The following ARK2N variants were observed in gnomAD, a reference collection of about 807,000 sequenced individuals.
ARK2N encodes the protein arkadia (RNF111) N-terminal like PKA signaling regulator 2N.
chr18:46,234,206 TTTC>T, the ARK2N span, among the ~76,000 whole-genome samples: 1 of 152,230 alleles, frequency 6.6e-6, no homozygotes, highest in African/African-American at 2.4e-5. Flanking sequence ...ATTTTTTCTC[TTTC>T]TTTTTTGAGA....
At chr18:46,251,163 G>A in the ARK2N span, among the ~76,000 whole-genome samples, 3 of 152,208 alleles carry the variant, frequency 2.0e-5, no homozygotes, top group East Asian at 3.8e-4. Flanking sequence ...ATATGGAAAA[G>A]TTGAAGGCTA....
At chr18:46,194,860 G>A in the ARK2N span, among the ~76,000 whole-genome samples, 3 of 146,428 alleles carry the variant, frequency 2.0e-5, no homozygotes, top group Non-Finnish European at 4.5e-5. Flanking sequence ...CTGGAGTACA[G>A]TGGTGTGATC....
the ARK2N span, among the ~76,000 whole-genome samples, chr18:46,251,723 C>T: frequency 6.6e-6 from 1 of 152,098 alleles, no homozygotes; most frequent in African/African-American, 2.4e-5. Context: ...TTCCAAGTTG[C>T]TACATAGCAC....
At chr18:46,195,504 C>G in the ARK2N span, among the ~76,000 whole-genome samples, 1 of 150,436 alleles carries the variant, frequency 6.6e-6, no homozygotes, top group Non-Finnish European at 1.5e-5. Context: ...CTGCCTTGGC[C>G]TCCCAAAGTG....
the ARK2N span, among the ~76,000 whole-genome samples, chr18:46,261,586 A>G: frequency 6.6e-6 from 1 of 152,198 alleles, no homozygotes; most frequent in Non-Finnish European, 1.5e-5. Context: ...AACAGATGTG[A>G]ATTAGACATT....
the ARK2N span, among the ~76,000 whole-genome samples, chr18:46,184,885 A>G: frequency 6.6e-6 from 1 of 152,226 alleles, no homozygotes; most frequent in Non-Finnish European, 1.5e-5. Flanking sequence ...AAAGATACTT[A>G]GTTTCATAGT....
the ARK2N span, among the ~76,000 whole-genome samples, chr18:46,177,720 C>T: frequency 3.3e-5 from 5 of 151,968 alleles, no homozygotes; most frequent in Non-Finnish European, 4.4e-5. Flanking sequence ...AGCCACCGTG[C>T]CCGGCCTTGA....
At chr18:46,230,594 C>T in the ARK2N span, among the ~76,000 whole-genome samples, 42 of 152,100 alleles carry the variant, frequency 2.8e-4, no homozygotes, top group African/African-American at 9.7e-4. Context: ...ATCCCATATC[C>T]GGACTATTGT....
the ARK2N span, among the ~76,000 whole-genome samples, chr18:46,259,148 GA>G: frequency 6.6e-6 from 1 of 151,886 alleles, no homozygotes; most frequent in East Asian, 1.9e-4. Context: ...AACACATACA[GA>G]TAACTAATAA....
At chr18:46,216,458 C>A in the ARK2N span, 1 of 1,614,056 alleles carries the variant, frequency 6.2e-7, no homozygotes, top group Non-Finnish European at 8.5e-7. This position sits in a 1 kb window ranked among gnomAD's most constrained non-coding sequence, Gnocchi z 4.3. Context: ...CGGGAGGCTG[C>A]TGCAAGGAAG....
chr18:46,253,811 A>G, the ARK2N span: 3 of 1,610,686 alleles, frequency 1.9e-6, no homozygotes, highest in East Asian at 4.5e-5. Context: ...GTGGGAGTTC[A>G]GGAACATGCA....
the ARK2N span, among the ~76,000 whole-genome samples, chr18:46,224,216 G>A: frequency 6.6e-6 from 1 of 152,138 alleles, no homozygotes; most frequent in African/African-American, 2.4e-5. Flanking sequence ...CTCTCCAGAG[G>A]GGAAGGATGT....
the ARK2N span, among the ~76,000 whole-genome samples, chr18:46,201,413 G>GT: frequency 6.6e-6 from 1 of 152,034 alleles, no homozygotes; most frequent in Non-Finnish European, 1.5e-5. Flanking sequence ...AAGTAGACTT[G>GT]TTTTTTTGTC....
the ARK2N span, among the ~76,000 whole-genome samples, chr18:46,177,789 G>A: frequency 6.6e-6 from 1 of 152,024 alleles, no homozygotes; most frequent in African/African-American, 2.4e-5. Context: ...TGCATCTTTA[G>A]TCCCTGCTGC....
chr18:46,258,482 A>G, the ARK2N span, among the ~76,000 whole-genome samples: 2 of 152,150 alleles, frequency 1.3e-5, no homozygotes, highest in Non-Finnish European at 2.9e-5. Flanking sequence ...TCCACTGTGC[A>G]GCCTTTCTAT....
chr18:46,263,389 ACTTTTAATCTTAGGAAACTCTGCCTTC>A, the ARK2N span: 1 of 276,490 alleles, frequency 3.6e-6, no homozygotes, highest in Non-Finnish European at 6.8e-6. Flanking sequence ...TTACTTGGTG[ACTTTTAATCTTAGGAAACTCTGCCTTC>A]CTTTTAGAAT....
the ARK2N span, chr18:46,216,536 C>T: frequency 6.2e-7 from 1 of 1,614,126 alleles, no homozygotes; most frequent in Non-Finnish European, 8.5e-7. The surrounding 1 kb of genome is among the most constrained non-coding windows in gnomAD (Gnocchi z 4.3). Context: ...AGCACGAGCT[C>T]ATCAGATGAT....
At chr18:46,237,732 A>AC in the ARK2N span, among the ~76,000 whole-genome samples, 2 of 152,134 alleles carry the variant, frequency 1.3e-5, no homozygotes, top group Admixed American at 1.3e-4. Flanking sequence ...TTTCCTAATG[A>AC]TAGTGTAAAA....
the ARK2N span, among the ~76,000 whole-genome samples, chr18:46,193,347 T>A: frequency 0.017 from 2,639 of 151,528 alleles, 72 homozygotes; most frequent in African/African-American, 0.06. Context: ...TGGAGTGCAA[T>A]GGCATGATCT....
Sources: gnomAD v4.1 joint callset for allele counts (sites outside exome capture counted in the v4.1 genomes callset) on GRCh38, gnomAD v4.1.1 for gene constraint, Gnocchi (gnomAD v3.1) non-coding constraint, MANE v1.5 for transcripts, NCBI Gene and HGNC (gene_info 2026-07-23, HGNC 2026-07-21) for gene names.